Variants in NPAS3 observed in about 807,000 individuals in gnomAD.
NPAS3 encodes the protein neuronal PAS domain protein 3.
NPAS3 carries 14 observed loss-of-function variants against 73.1 expected under a neutral mutation model. The ratio of observed to expected loss-of-function variants is 0.19; its 90% CI spans 0.13 to 0.30. The LOEUF (loss-of-function observed/expected upper bound fraction) is 0.30. Among genes scored for constraint, NPAS3 ranks in the 10% least tolerant of loss-of-function variants. The pLI is 1.00. For synonymous variants in NPAS3, 620 were observed against 541.5 expected (o/e 1.14, Z -2.01); for missense variants, 1,096 against 1,250.0 (o/e 0.88, Z 1.86).
chr14:33,518,860 A>AG (rs147400244), intron 4 of NPAS3, among the ~76,000 whole-genome samples: 2,873 of 152,176 alleles, frequency 0.019, 78 homozygotes, highest in African/African-American at 0.065. Context: ...AATCAACAGG[A>AG]GGGTAGGAGC....
At chr14:33,290,719 G>T (rs368590551) in intron 3 of NPAS3, among the ~76,000 whole-genome samples, 1 of 152,306 alleles carries the variant, frequency 6.6e-6, no homozygotes, top group African/African-American at 2.4e-5. Flanking sequence ...AAGGTGGTTT[G>T]CTTTCTTCCA....
In NPAS3 at chr14:33,367,180, T is replaced by C. The variant is rs781259757; in HGVS notation, c.386-6T>C. 1 of 843,912 alleles carries C rather than the reference T, an allele frequency of 1.2e-6. No homozygotes were observed. Among genetic ancestry groups the C allele is most frequent in the South Asian group, 1.4e-5 (1 of 70,420 alleles). 52.3% of individuals were successfully genotyped at this position (843,912 alleles called of 1,614,324 possible). A position where few individuals can be genotyped will look rare whatever the true frequency, so the allele number is the denominator to read the frequency against. On this transcript the variant is annotated splice_region_variant and splice_polypyrimidine_tract_variant and intron_variant, in intron 3 of 11. Coordinates refer to ENST00000356141, the Ensembl canonical transcript of NPAS3. ...TTCTGTTTTCTTTCTTTCTTTTTCT[T>C]TTAAGTTATAGGTGCACAGCGAAGG...
chr14:33,168,074 ACTGATTTCCGGGCT>A (rs1389915980), intron 2 of NPAS3, among the ~76,000 whole-genome samples: 2 of 151,852 alleles, frequency 1.3e-5, no homozygotes, highest in African/African-American at 2.4e-5. Flanking sequence ...TACTTTCTTG[ACTGATTTCCGGGCT>A]CTCTGAGCAT....
At chr14:33,092,237 A>G (rs2042250203) in intron 2 of NPAS3, among the ~76,000 whole-genome samples, 1 of 151,988 alleles carries the variant, frequency 6.6e-6, no homozygotes, top group African/African-American at 2.4e-5. Context: ...GTCTCAGCCC[A>G]AAATCTCCTT....
chr14:32,936,914 G>T (rs1209049951), upstream of NPAS3, among the ~76,000 whole-genome samples: 1 of 144,226 alleles, frequency 6.9e-6, no homozygotes, highest in Non-Finnish European at 1.5e-5. Flanking sequence ...TCCCACTGCA[G>T]TTCTAAAGAC....
chr14:33,147,588 T>TGGG (rs2044278948), intron 2 of NPAS3, among the ~76,000 whole-genome samples: 2 of 140,656 alleles, frequency 1.4e-5, no homozygotes, highest in Non-Finnish European at 3.1e-5. Flanking sequence ...TGTTGTGGGG[T>TGGG]CGGGGGAGGG....
At position 33,226,890 on chromosome 14, in the gene NPAS3, CTG is replaced by C. The variant is rs1315623000; in HGVS notation, c.385+11468_385+11469del. 7.2e-5 allele frequency among the ~76,000 whole-genome samples: 11 copies of C among 152,280 alleles called. No individual in the cohort carries two copies. In the South Asian group the frequency reaches 1.5e-3, roughly 20 times the overall value. ...TATCAGCACTGATGATAAAAACAGA[CTG>C]TGTACACAGTTTGGGTTTTATATAA... On this transcript the variant is annotated intron_variant, in intron 3 of 11. Coordinates refer to ENST00000356141, the Ensembl canonical transcript of NPAS3.
In NPAS3 at chr14:33,735,208, C is replaced by T. The variant is rs757022778; in HGVS notation, c.734-6C>T. ...TCGTGTGTGTCTGTATTTTTGTATT[C>T]CTCAGTGGAGTCAACCAGCCCCAGT... On this transcript the variant is annotated splice_region_variant and splice_polypyrimidine_tract_variant and intron_variant, in intron 6 of 11. Transcript: ENST00000356141. 2 of 1,601,084 alleles carry T rather than the reference C, an allele frequency of 1.2e-6. No homozygotes were observed. The highest frequency in any genetic ancestry group is 1.7e-5 in the Admixed American group (1 of 59,964).
At chr14:32,986,060 T>G (rs2038085006) in intron 1 of NPAS3, among the ~76,000 whole-genome samples, 1 of 152,218 alleles carries the variant, frequency 6.6e-6, no homozygotes, top group East Asian at 1.9e-4. Context: ...GAACTCTCCG[T>G]GCAGGAGAAC....
chr14:33,314,746 C>A (rs994249509), intron 3 of NPAS3, among the ~76,000 whole-genome samples: 1 of 152,008 alleles, frequency 6.6e-6, no homozygotes, highest in Non-Finnish European at 1.5e-5. Flanking sequence ...AACCTTCTAC[C>A]TTTACTATCT....
intron 2 of NPAS3, among the ~76,000 whole-genome samples, chr14:33,136,409 A>G (rs545674720): frequency 5.6e-4 from 85 of 152,292 alleles, no homozygotes; most frequent in African/African-American, 1.8e-3. Context: ...AAAAAACACA[A>G]AACGACAACC....
intron 1 of NPAS3, among the ~76,000 whole-genome samples, chr14:32,983,569 A>T (rs2037983150): frequency 6.6e-6 from 1 of 152,144 alleles, no homozygotes; most frequent in African/African-American, 2.4e-5. Flanking sequence ...TATTCATTCT[A>T]AAAGTTTTTG....
intron 2 of NPAS3, among the ~76,000 whole-genome samples, chr14:33,160,215 ATTC>A (rs1339442741): frequency 4.6e-5 from 7 of 152,104 alleles, no homozygotes; most frequent in African/African-American, 1.7e-4. Flanking sequence ...TTCTCCACTT[ATTC>A]TTAAGTGATG....
intron 2 of NPAS3, among the ~76,000 whole-genome samples, chr14:33,078,925 T>A (rs1025083502): frequency 1.3e-5 from 2 of 152,222 alleles, no homozygotes; most frequent in African/African-American, 2.4e-5. Context: ...AGATTTAATA[T>A]CAGAAAATAA....
At chr14:33,735,677 A>G (rs1220175767) in intron 7 of NPAS3, among the ~76,000 whole-genome samples, 2 of 152,146 alleles carry the variant, frequency 1.3e-5, no homozygotes. Flanking sequence ...ACTGCTACTT[A>G]GGAGAGTTCC....
intron 1 of NPAS3, among the ~76,000 whole-genome samples, chr14:33,051,260 A>G (rs984639337): frequency 1.5e-5 from 2 of 135,276 alleles, no homozygotes; most frequent in South Asian, 2.4e-4. Context: ...CGGCCTGGGC[A>G]ACAGAGCGAG....
chr14:33,265,231 C>G (rs1178413054), intron 3 of NPAS3, among the ~76,000 whole-genome samples: 1 of 152,196 alleles, frequency 6.6e-6, no homozygotes, highest in Non-Finnish European at 1.5e-5. Flanking sequence ...CAGAATTATC[C>G]TAACACTTCG....
intron 5 of NPAS3, among the ~76,000 whole-genome samples, chr14:33,666,052 A>T (rs2059441877): frequency 6.6e-6 from 1 of 152,148 alleles, no homozygotes; most frequent in Non-Finnish European, 1.5e-5. Flanking sequence ...GAAAAATGAG[A>T]TAGGACATTT....
At chr14:33,234,534 T>C (rs774354777) in intron 3 of NPAS3, among the ~76,000 whole-genome samples, 12 of 152,136 alleles carry the variant, frequency 7.9e-5, no homozygotes, top group Admixed American at 2.0e-4. Context: ...TAGACTTCTC[T>C]TCCAGCTCGT....
Sources: gnomAD v4.1 joint callset for allele counts (sites outside exome capture counted in the v4.1 genomes callset) on GRCh38, gnomAD v4.1.1 for gene constraint, MANE v1.5 for transcripts, NCBI Gene and HGNC (gene_info 2026-07-23, HGNC 2026-07-21) for gene names.